The following MTUS2 variants were observed in gnomAD, a reference collection of about 807,000 sequenced individuals.
The protein encoded by MTUS2 is microtubule associated scaffold protein 2.
MTUS2 carries 40 observed loss-of-function variants against 114.1 expected under a neutral mutation model. The ratio of observed to expected loss-of-function variants is 0.35; its 90% CI spans 0.27 to 0.46. The LOEUF is 0.46. Ranked by LOEUF, MTUS2 falls within the 20% of genes least tolerant of loss-of-function variation. MTUS2 has a pLI of 1.00. For missense variants in MTUS2, 1,679 were observed against 1,705.4 expected (o/e 0.98, Z 0.27); for synonymous variants, 688 against 672.0 (o/e 1.02, Z -0.37).
chr13:29,155,723 A>G (rs1194101994), intron 5 of MTUS2, among the ~76,000 whole-genome samples: 2 of 152,212 alleles, frequency 1.3e-5, no homozygotes, highest in Admixed American at 1.3e-4. Context: ...CATTATATAT[A>G]TAAGCAGAAG....
At chr13:29,455,574 C>A (rs1346854298) in intron 9 of MTUS2, among the ~76,000 whole-genome samples, 1 of 152,168 alleles carries the variant, frequency 6.6e-6, no homozygotes, top group East Asian at 1.9e-4. Flanking sequence ...TAAAGGAAGA[C>A]AGTGTCATAC....
intron 8 of MTUS2, among the ~76,000 whole-genome samples, chr13:29,376,841 G>A (rs1250078640): frequency 6.6e-6 from 1 of 152,106 alleles, no homozygotes; most frequent in African/African-American, 2.4e-5. Flanking sequence ...TGGCAATAAT[G>A]ACTATAAAAG....
At chr13:28,913,953 G>A (rs1880600708) in intron 2 of MTUS2, among the ~76,000 whole-genome samples, 1 of 151,972 alleles carries the variant, frequency 6.6e-6, no homozygotes, top group Non-Finnish European at 1.5e-5. Flanking sequence ...GGGGTCAGTG[G>A]TGATATCCCC....
At chr13:29,259,000 A>G (rs1897372267) in intron 5 of MTUS2, among the ~76,000 whole-genome samples, 1 of 152,270 alleles carries the variant, frequency 6.6e-6, no homozygotes, top group Non-Finnish European at 1.5e-5. Flanking sequence ...AAAGTGCTTC[A>G]GCATATCAAC....
At chr13:28,935,008 T>TG (rs1881820563) in intron 2 of MTUS2, among the ~76,000 whole-genome samples, 1 of 124,316 alleles carries the variant, frequency 8.0e-6, no homozygotes, top group East Asian at 2.3e-4. Context: ...TCCATAGCGT[T>TG]TTTTTTTTTT....
At chr13:29,492,862 T>C in intron 12 of MTUS2, 143 bp downstream of exon 12, 1 of 668,758 alleles carries the variant, frequency 1.5e-6, no homozygotes, top group South Asian at 2.0e-5. Context: ...TCATACTCGC[T>C]ACTCTTAAGA....
At chr13:29,183,247 T>C (rs1292350020) in intron 5 of MTUS2, among the ~76,000 whole-genome samples, 1 of 143,768 alleles carries the variant, frequency 7.0e-6, no homozygotes, top group African/African-American at 2.6e-5. Flanking sequence ...TGATTGGATG[T>C]TGGGGTGAGA....
chr13:29,189,069 C>T (rs1198160983), intron 5 of MTUS2, among the ~76,000 whole-genome samples: 1 of 152,210 alleles, frequency 6.6e-6, no homozygotes, highest in Non-Finnish European at 1.5e-5. Flanking sequence ...GGGGAAGCTC[C>T]TCTGTGTCCA....
chr13:29,155,038 G>T (rs542691190), intron 5 of MTUS2, among the ~76,000 whole-genome samples: 1 of 152,302 alleles, frequency 6.6e-6, no homozygotes, highest in African/African-American at 2.4e-5. Flanking sequence ...GCTCATAGGC[G>T]TCTGTACCAA....
chr13:28,976,821 G>T (rs1219208853), intron 2 of MTUS2, among the ~76,000 whole-genome samples: 1 of 152,162 alleles, frequency 6.6e-6, no homozygotes, highest in African/African-American at 2.4e-5. Flanking sequence ...TTGAAACATT[G>T]GAAGTGAATG....
chr13:28,900,651 T>C lies in MTUS2; in HGVS notation c.-243+60801T>C, dbSNP rs569212009. ...TGACTGCTGAGTAGTAGTAATGATA[T>C]AGAGGTACCACAGTCCATCTAAAGG... On this transcript the variant is annotated intron_variant, in intron 2 of 15. Coordinates refer to ENST00000612955, the MANE Select transcript of MTUS2 (RefSeq NM_001033602.4). Among the ~76,000 whole-genome samples the C allele has an allele frequency of 5.3e-5, 8 of 152,328 alleles. No homozygotes were observed. The South Asian group carries it at 1.0e-3, about 20-fold the overall frequency.
intron 9 of MTUS2, among the ~76,000 whole-genome samples, chr13:29,448,053 C>G (rs971248069): frequency 6.6e-6 from 1 of 152,140 alleles, no homozygotes; most frequent in Admixed American, 6.5e-5. Flanking sequence ...GTTTTGTTTA[C>G]TGCCATCAGG....
intron 8 of MTUS2, among the ~76,000 whole-genome samples, chr13:29,435,869 C>T (rs1877367228): frequency 6.6e-6 from 1 of 152,224 alleles, no homozygotes; most frequent in South Asian, 2.1e-4. Flanking sequence ...GCTGTGCCAG[C>T]ATCTTCAGCA....
At position 29,026,135 on chromosome 13, in the gene MTUS2, C is replaced by T. The variant is rs200464295; in HGVS notation, c.1437C>T (p.Asn479=). 1.2e-5 allele frequency: 20 copies of T among 1,613,876 alleles called. No individual in the cohort carries two copies. The highest frequency in any genetic ancestry group is 1.7e-5 in the Non-Finnish European group (20 of 1,179,890). Residue 479 remains asparagine, a synonymous_variant, in exon 3 of 16, where the codon AAC becomes AAT. Coordinates refer to ENST00000612955, the MANE Select transcript of MTUS2 (RefSeq NM_001033602.4). ...VLVFNPSVGE[N]KTEVPEPLDP... ...TGTTCAATCCTTCTGTTGGAGAGAACAAGACGGAGGTGCCTGAGCCCCTGG... is the reference window on the plus strand; with the variant it reads ...TGTTCAATCCTTCTGTTGGAGAGAATAAGACGGAGGTGCCTGAGCCCCTGG...
chr13:29,223,897 A>T (rs1014067867), intron 5 of MTUS2, among the ~76,000 whole-genome samples: 1 of 152,174 alleles, frequency 6.6e-6, no homozygotes, highest in African/African-American at 2.4e-5. Context: ...CCAGCCATGA[A>T]AGCTGCTTGT....
chr13:29,151,942 T>C (rs543537219), intron 5 of MTUS2, among the ~76,000 whole-genome samples: 1 of 152,322 alleles, frequency 6.6e-6, no homozygotes, highest in Admixed American at 6.5e-5. Flanking sequence ...GCTAGTGTTT[T>C]GTTGAGGATT....
At chr13:29,011,004 C>T (rs56023620) in intron 2 of MTUS2, among the ~76,000 whole-genome samples, 74,932 of 151,820 alleles carry the variant, frequency 0.49, 18,756 homozygotes, top group South Asian at 0.72. Context: ...CATCATTGCT[C>T]CCCTTCCCAT....
intron 2 of MTUS2, among the ~76,000 whole-genome samples, chr13:28,894,879 TA>T (rs1336436887): frequency 6.6e-6 from 1 of 152,188 alleles, no homozygotes; most frequent in African/African-American, 2.4e-5. Context: ...CATGTAGAAA[TA>T]TAGAAGTTCT....
At chr13:28,921,046 A>T (rs565463907) in intron 2 of MTUS2, among the ~76,000 whole-genome samples, 1 of 152,304 alleles carries the variant, frequency 6.6e-6, no homozygotes, top group East Asian at 1.9e-4. Flanking sequence ...TCCCTACTCC[A>T]CTGCAGCTGA....
Sources: gnomAD v4.1 joint callset for allele counts (sites outside exome capture counted in the v4.1 genomes callset) on GRCh38, gnomAD v4.1.1 for gene constraint, MANE v1.5 for transcripts, NCBI Gene and HGNC (gene_info 2026-07-23, HGNC 2026-07-21) for gene names.